The following STK10 variants were observed in gnomAD, a reference collection of about 807,000 sequenced individuals.
STK10 encodes serine/threonine-protein kinase 10.
Under a neutral mutation model 113.8 loss-of-function variants are expected in STK10, and 78 were observed. The observed-to-expected ratio is 0.69, with a 90% CI of 0.57 to 0.83. The LOEUF (loss-of-function observed/expected upper bound fraction) is 0.83. STK10 is among the 40% of genes least tolerant of loss of function. STK10 has a pLI of 0.00. For synonymous variants in STK10, 465 were observed against 494.7 expected (o/e 0.94, Z 0.80); for missense variants, 1,109 against 1,280.1 (o/e 0.87, Z 2.04).
chr5:172,150,157 G>A (rs1438237504), intron 2 of STK10, among the ~76,000 whole-genome samples: 1 of 151,708 alleles, frequency 6.6e-6, no homozygotes, highest in Non-Finnish European at 1.5e-5. Context: ...CTCATCTCGG[G>A]TCACACAGCC....
At chr5:172,178,080 G>A (rs1017381437) in intron 1 of STK10, among the ~76,000 whole-genome samples, 20 of 152,286 alleles carry the variant, frequency 1.3e-4, no homozygotes, top group Non-Finnish European at 2.4e-4. Flanking sequence ...CACCCACCTC[G>A]GCCTCCCAAA....
chr5:172,131,973 G>T (rs1455628050), intron 2 of STK10, among the ~76,000 whole-genome samples: 1 of 152,184 alleles, frequency 6.6e-6, no homozygotes, highest in Non-Finnish European at 1.5e-5. Flanking sequence ...TCTCCTGCAT[G>T]CCCTCTTGCT....
chr5:172,104,048 C>G (rs1256783037), intron 7 of STK10, among the ~76,000 whole-genome samples: 1 of 152,214 alleles, frequency 6.6e-6, no homozygotes, highest in East Asian at 1.9e-4. Flanking sequence ...CACAGTGGCT[C>G]AGAATGCCGA....
chr5:172,119,027 G>A (rs952692772), intron 3 of STK10, among the ~76,000 whole-genome samples: 10 of 152,148 alleles, frequency 6.6e-5, no homozygotes, highest in African/African-American at 2.2e-4. Flanking sequence ...GTATGCGGAT[G>A]CGGAAGGGCC....
At chr5:172,174,100 G>GGCAACGGGAGAA (rs1323916487) in intron 1 of STK10, among the ~76,000 whole-genome samples, 3 of 152,102 alleles carry the variant, frequency 2.0e-5, no homozygotes, top group Non-Finnish European at 4.4e-5. Context: ...TCCAGGGAGA[G>GGCAACGGGAGAA]GCAACAAGCG....
At chr5:172,112,883 A>G (rs1769270105) in intron 4 of STK10, among the ~76,000 whole-genome samples, 2 of 151,728 alleles carry the variant, frequency 1.3e-5, no homozygotes, top group South Asian at 4.2e-4. Context: ...AGCAGCTGGG[A>G]TTACAGGCAT....
chr5:172,061,440 A>G, intron 13 of STK10, 172 bp from the exon 14 acceptor site: 1 of 822,078 alleles, frequency 1.2e-6, no homozygotes, highest in South Asian at 2.0e-5. Context: ...AACCAATTTC[A>G]ACATGTGGGC....
intron 17 of STK10, 84 bp from the exon 18 acceptor site, chr5:172,053,126 G>A (rs1254953979): frequency 1.8e-5 from 18 of 1,001,148 alleles, no homozygotes; most frequent in East Asian, 4.9e-5. Flanking sequence ...CTGTGGCTAC[G>A]AGGGCACCAG....
intron 10 of STK10, among the ~76,000 whole-genome samples, chr5:172,087,130 G>GTA (rs1554117943): frequency 6.6e-6 from 1 of 151,412 alleles, no homozygotes; most frequent in African/African-American, 2.4e-5. Flanking sequence ...GTGTGTGTGT[G>GTA]TGTGTGTGTG....
intron 8 of STK10, among the ~76,000 whole-genome samples, chr5:172,095,682 A>G (rs747706091): frequency 2.6e-5 from 4 of 152,202 alleles, no homozygotes; most frequent in Non-Finnish European, 5.9e-5. Context: ...TCCACCCAGG[A>G]CTGAATTAAA....
chr5:172,146,024 C>T (rs751242720), intron 2 of STK10, among the ~76,000 whole-genome samples: 2 of 152,242 alleles, frequency 1.3e-5, no homozygotes, highest in Non-Finnish European at 2.9e-5. Flanking sequence ...CACACACACA[C>T]TGTGTGGCGT....
In STK10 at chr5:172,055,597, C is replaced by T. The variant is rs146484502; in HGVS notation, c.2517G>A (p.Lys839=). 2.7e-4 allele frequency: 406 copies of T among 1,502,756 alleles called. No homozygotes were observed. Among genetic ancestry groups the T allele is most frequent in the Non-Finnish European group, 3.6e-4 (402 of 1,119,006 alleles). The allele number at this position is 1,502,756 out of a possible 1,614,324, so 93.1% of individuals were successfully genotyped here. The change falls in exon 16 of 19, where the codon AAG becomes AAA. Residue 839 remains lysine (K), a synonymous_variant. Transcript: ENST00000176763. ...GGGSAAEQRE[K]IKQFSQQEEK... Reference sequence around the variant, plus strand: ...CAGGCCCGGCCCCCACCTGCTTGATCTTCTCACGCTGCTCAGCTGCGCTGC... The same window carrying T: ...CAGGCCCGGCCCCCACCTGCTTGATTTTCTCACGCTGCTCAGCTGCGCTGC...
At chr5:172,084,219 T>C (rs150460315) in intron 10 of STK10, among the ~76,000 whole-genome samples, 5 of 151,918 alleles carry the variant, frequency 3.3e-5, no homozygotes, top group African/African-American at 1.2e-4. Flanking sequence ...CTGACCAACA[T>C]GGAGAACCCC....
At chr5:172,186,396 A>G (rs1485026809) in intron 1 of STK10, among the ~76,000 whole-genome samples, 4 of 152,078 alleles carry the variant, frequency 2.6e-5, no homozygotes, top group Non-Finnish European at 5.9e-5. Context: ...GGCTGAAACG[A>G]GCTGATTTCA....
In STK10 at chr5:172,093,668, T is replaced by G. The variant is rs758597618; in HGVS notation, c.1298A>C (p.Gln433Pro). 2.5e-6 allele frequency: 4 copies of G among 1,614,252 alleles called. No individual in the cohort carries two copies. The highest frequency in any genetic ancestry group is 3.4e-6 in the Non-Finnish European group (4 of 1,180,040). ...QVAQEKQVAEQGGDLSPAANR... is the reference protein window; with the variant it reads ...QVAQEKQVAEPGGDLSPAANR... ...GGCTGCTGGGCTGAGGTCCCCACCC[T>G]GCTCAGCAACTTGCTTCTCCTGGGC... Residue 433 changes from glutamine (Q) to proline (P), a missense_variant, in exon 9 of 19, where the codon CAG (glutamine) becomes CCG (proline). Around this residue, in one of 5 missense-constraint regions of STK10, gnomAD observed 885 missense variants for 991.1 expected, o/e 0.89. Transcript: ENST00000176763. The surrounding 1 kb of genome is among the most constrained non-coding windows in gnomAD (Gnocchi z 4.1).
Position 172,064,542 on chromosome 5 carries a change from A to G in STK10, c.2082+178T>C, listed in dbSNP as rs1330745980. 4.7e-6 allele frequency: 3 copies of G among 637,872 alleles called. No individual in the cohort carries two copies. In the East Asian group the frequency reaches 8.2e-5, roughly 17 times the overall value. 39.5% of individuals were successfully genotyped at this position (637,872 alleles called of 1,614,324 possible). A position where few individuals can be genotyped will look rare whatever the true frequency, so the allele number is the denominator to read the frequency against. ...CTTACTTCCAGATGGAGGCAGGGCA[A>G]TCGAGGAAGGCTGCATGGAGGAGGG... On this transcript the variant is annotated intron_variant, in intron 13 of 18. Coordinates refer to ENST00000176763, the MANE Select transcript of STK10 (RefSeq NM_005990.4).
At chr5:172,096,620 G>C in intron 7 of STK10, 60 bp from the exon 8 acceptor site, 2 of 1,592,278 alleles carry the variant, frequency 1.3e-6, no homozygotes, top group Non-Finnish European at 1.7e-6. Context: ...GGGTGGAAGA[G>C]GCTGGGGGAG....
intron 1 of STK10, among the ~76,000 whole-genome samples, chr5:172,171,637 C>A (rs1269895051): frequency 1.3e-5 from 2 of 151,454 alleles, no homozygotes; most frequent in East Asian, 3.9e-4. Context: ...ATCACTTGGA[C>A]CCGTGAGGCA....
rs776528912 is a variant in STK10 at position 172,187,869 on chromosome 5, C to G, written c.156+18G>C. On this transcript the variant is annotated intron_variant, in intron 1 of 18. Coordinates refer to ENST00000176763, the MANE Select transcript of STK10 (RefSeq NM_005990.4). This position sits in a 1 kb window ranked among gnomAD's most constrained non-coding sequence, Gnocchi z 4.6. ...AGCCCCTCGACGCGCGTCCGGCCAC[C>G]CACCTCAGCGCCCTCACCTTGTAAA... 6.2e-7 allele frequency: 1 copy of G among 1,611,476 alleles called. No individual in the cohort carries two copies. Among genetic ancestry groups the G allele is most frequent in the Non-Finnish European group, 8.5e-7 (1 of 1,178,998 alleles).
Sources: gnomAD v4.1 joint callset for allele counts (sites outside exome capture counted in the v4.1 genomes callset) on GRCh38, gnomAD v4.1.1 for gene constraint, gnomAD v4.1.1 regional missense constraint, Gnocchi (gnomAD v3.1) non-coding constraint, MANE v1.5 for transcripts, NCBI Gene and HGNC (gene_info 2026-07-23, HGNC 2026-07-21) for gene names.